The following GLB1 variants were observed in gnomAD, a reference collection of about 807,000 sequenced individuals.
GLB1 encodes galactosidase beta 1.
A neutral mutation model predicts 74.0 loss-of-function variants in GLB1; 56 were observed. The ratio of observed to expected loss-of-function variants is 0.76; its 90% CI spans 0.61 to 0.94. The LOEUF (loss-of-function observed/expected upper bound fraction) is 0.94. Ranked by LOEUF, GLB1 falls within the 40% of genes least tolerant of loss-of-function variation. The pLI is 0.00. For synonymous variants in GLB1, 323 were observed against 323.6 expected, an observed-to-expected ratio of 1.00 and a Z score of 0.02; for missense variants, 787 against 845.5, an observed-to-expected ratio of 0.93 and a Z score of 0.86.
At chr3:32,961,478 T>A in the GLB1 span, among the ~76,000 whole-genome samples, 11 of 152,112 alleles carry the variant, frequency 7.2e-5, no homozygotes, top group Admixed American at 7.2e-4. Flanking sequence ...GGCCCCAGTT[T>A]GGTTCTGAGA....
At chr3:32,972,965 C>T in the GLB1 span, among the ~76,000 whole-genome samples, 4 of 152,146 alleles carry the variant, frequency 2.6e-5, no homozygotes, top group Non-Finnish European at 5.9e-5. Flanking sequence ...CAGATAAACT[C>T]AAGTCACAAA....
downstream of GLB1, among the ~76,000 whole-genome samples, chr3:32,994,087 G>T (rs1696266999): frequency 6.6e-6 from 1 of 152,174 alleles, no homozygotes; most frequent in Admixed American, 6.5e-5. Flanking sequence ...CTATCCAAGA[G>T]AAATGAAAAC....
intron 1 of GLB1, chr3:33,092,891 G>A (rs1700827540): frequency 3.1e-6 from 5 of 1,613,862 alleles, no homozygotes; most frequent in Non-Finnish European, 4.2e-6. Context: ...CCAGCCTCAT[G>A]GGTATCCCGT....
intron 10 of GLB1, chr3:33,034,921 T>C: frequency 3.2e-6 from 1 of 313,590 alleles, no homozygotes; most frequent in South Asian, 3.0e-5. Flanking sequence ...AAAGCATTCA[T>C]GTTATGAGGC....
chr3:33,091,642 A>G (rs1559421878), intron 1 of GLB1: 1 of 984,698 alleles, frequency 1.0e-6, no homozygotes, highest in Non-Finnish European at 1.2e-6. Context: ...GGTAGATACG[A>G]TAATTATCCC....
At chr3:33,025,784 AG>A (rs1234253052) in intron 10 of GLB1, among the ~76,000 whole-genome samples, 2 of 152,022 alleles carry the variant, frequency 1.3e-5, no homozygotes, top group Non-Finnish European at 2.9e-5. Context: ...GGCGGCGGAG[AG>A]GACCCCTGTG....
chr3:33,048,300 T>C (rs1456165949), intron 9 of GLB1, among the ~76,000 whole-genome samples: 4 of 152,136 alleles, frequency 2.6e-5, no homozygotes, highest in Non-Finnish European at 5.9e-5. Context: ...GAATCTTACT[T>C]TGGGTGTTTT....
intron 12 of GLB1, among the ~76,000 whole-genome samples, chr3:33,020,973 G>A (rs55745754): frequency 0.07 from 10,583 of 151,704 alleles, 515 homozygotes; most frequent in East Asian, 0.24. Flanking sequence ...GGTGTTTATT[G>A]TACTATTCTT....
intron 10 of GLB1, 193 bp from the exon 11 acceptor site, chr3:33,024,518 G>A (rs1335961683): frequency 1.7e-6 from 1 of 589,446 alleles, no homozygotes; most frequent in African/African-American, 1.9e-5. Context: ...GTGTATGTCT[G>A]TGTTTTAAGC....
chr3:33,018,975 G>A lies in GLB1; in HGVS notation c.1234-414C>T, dbSNP rs539609852. Among the ~76,000 whole-genome samples the A allele has an allele frequency of 6.6e-5, 10 of 152,298 alleles. No homozygotes were observed. In the East Asian group the frequency reaches 1.9e-3, roughly 29 times the overall value. ...AAGCCAAGAGATGAAGTTCTGCTCA[G>A]CAAAACTGTCTCCAAGTTCATGGGC... On this transcript the variant is annotated intron_variant, in intron 12 of 15. Transcript: ENST00000307363.
the GLB1 span, among the ~76,000 whole-genome samples, chr3:32,977,208 A>ATT: frequency 6.2e-3 from 862 of 140,144 alleles, 6 homozygotes; most frequent in East Asian, 0.021. Context: ...CCTCATCTAG[A>ATT]TTTTTTTTTT....
chr3:33,029,000 T>C (rs1575426557), intron 10 of GLB1, among the ~76,000 whole-genome samples: 1 of 152,140 alleles, frequency 6.6e-6, no homozygotes, highest in East Asian at 1.9e-4. Flanking sequence ...CTTGATATTC[T>C]GATCAGTGAT....
chr3:33,077,186 G>A (rs1700144010), intron 1 of GLB1: 1 of 1,484,362 alleles, frequency 6.7e-7, no homozygotes, highest in Non-Finnish European at 9.0e-7. Context: ...AGCGGCAGCT[G>A]AGACTTAGGC....
chr3:33,005,939 A>G (rs537620590), intron 15 of GLB1, among the ~76,000 whole-genome samples: 3 of 152,332 alleles, frequency 2.0e-5, no homozygotes, highest in African/African-American at 7.2e-5. Flanking sequence ...ACTTTTCATC[A>G]GTATTCTATT....
At chr3:32,981,777 A>C in the GLB1 span, among the ~76,000 whole-genome samples, 1 of 152,116 alleles carries the variant, frequency 6.6e-6, no homozygotes, top group African/African-American at 2.4e-5. Flanking sequence ...CATCTCAAAA[A>C]AAAAAAAGAA....
At chr3:33,088,405 ACACACAAACT>A (rs1252199974) in intron 1 of GLB1, among the ~76,000 whole-genome samples, 9 of 151,192 alleles carry the variant, frequency 6.0e-5, no homozygotes, top group East Asian at 2.0e-4. Context: ...ACACACACAC[ACACACAAACT>A]GTTAGAACTA....
intron 15 of GLB1, among the ~76,000 whole-genome samples, chr3:33,013,721 G>A (rs1032722630): frequency 6.6e-6 from 1 of 152,160 alleles, no homozygotes; most frequent in African/African-American, 2.4e-5. Context: ...CTCTCCCAGA[G>A]GGATCCACCT....
chr3:33,042,969 T>C (rs114294608), intron 10 of GLB1, among the ~76,000 whole-genome samples: 1,524 of 152,316 alleles, frequency 0.01, 34 homozygotes, highest in African/African-American at 0.035. Context: ...TCAAGTGAAA[T>C]ACTATCTGAA....
intron 12 of GLB1, among the ~76,000 whole-genome samples, chr3:33,020,581 C>G (rs1455722522): frequency 1.3e-5 from 2 of 152,118 alleles, no homozygotes; most frequent in Non-Finnish European, 2.9e-5. Context: ...TCAAAAATGT[C>G]CATGTCATGA....
Sources: gnomAD v4.1 joint callset for allele counts (sites outside exome capture counted in the v4.1 genomes callset) on GRCh38, gnomAD v4.1.1 for gene constraint, MANE v1.5 for transcripts, NCBI Gene and HGNC (gene_info 2026-07-23, HGNC 2026-07-21) for gene names.